PTPRD: variants seen among roughly 807,000 people sequenced by gnomAD.
The protein encoded by PTPRD is protein tyrosine phosphatase receptor type D.
Under a neutral mutation model 214.5 loss-of-function variants are expected in PTPRD, and 34 were observed. That is an observed-to-expected ratio of 0.16 (90% confidence interval 0.12 to 0.21). PTPRD has a LOEUF of 0.21. Among genes scored for constraint, PTPRD ranks in the 10% least tolerant of loss-of-function variants. The probability of loss-of-function intolerance (pLI) is 1.00; values close to 1 mark genes in which losing one functional copy is unlikely to be tolerated. For synonymous variants in PTPRD, 1,128 were observed against 845.7 expected (o/e 1.33, Z -5.79); for missense variants, 2,545 against 2,398.7 (o/e 1.06, Z -1.27).
intron 14 of PTPRD, among the ~76,000 whole-genome samples, chr9:8,557,558 C>G (rs2084371453): frequency 6.7e-6 from 1 of 149,258 alleles, no homozygotes; most frequent in African/African-American, 2.5e-5. Flanking sequence ...GCCTGACCAA[C>G]ATGGCGAAAC....
chr9:9,972,495 A>G (rs1566843701), intron 4 of PTPRD, among the ~76,000 whole-genome samples: 1 of 152,124 alleles, frequency 6.6e-6, no homozygotes, highest in Non-Finnish European at 1.5e-5. Context: ...CCTTCATATT[A>G]TAGAAATTAC....
In PTPRD at chr9:8,772,889, G is replaced by A. The variant is rs572210048; in HGVS notation, c.-103-38943C>T. 3.3e-5 allele frequency among the ~76,000 whole-genome samples: 5 copies of A among 152,172 alleles called. No homozygotes were observed. The East Asian group carries it at 7.7e-4, about 24-fold the overall frequency. Reference sequence around the variant, plus strand: ...TTCTTGCTTTTTGTTCTGAGATTCAGTTAAGATTCTTGGAAACATTTTGAT... The same window carrying A: ...TTCTTGCTTTTTGTTCTGAGATTCAATTAAGATTCTTGGAAACATTTTGAT... On this transcript the variant is annotated intron_variant, in intron 11 of 45. Coordinates refer to ENST00000381196, the MANE Select transcript of PTPRD (RefSeq NM_002839.4).
intron 6 of PTPRD, among the ~76,000 whole-genome samples, chr9:9,746,497 G>A (rs945910042): frequency 3.9e-5 from 6 of 152,166 alleles, no homozygotes; most frequent in African/African-American, 1.4e-4. Flanking sequence ...CTGAACTTCT[G>A]TAATTGAGAG....
At chr9:9,602,122 A>G (rs1302523133) in intron 7 of PTPRD, among the ~76,000 whole-genome samples, 1 of 152,088 alleles carries the variant, frequency 6.6e-6, no homozygotes, top group Non-Finnish European at 1.5e-5. Context: ...TTTTCATAAA[A>G]GCAGACAACA....
In PTPRD at chr9:8,648,449, CAT is replaced by C. The variant is rs150889925; in HGVS notation, c.65-11607_65-11606del. On this transcript the variant is annotated intron_variant, in intron 12 of 45. Transcript: ENST00000381196. ...ATGGCCTAAGTGGTTTTGAATCACT[CAT>C]AGACAAAATCTGTGAAGTCATTCTT... Among the ~76,000 whole-genome samples, 162 of 152,280 alleles carry C rather than the reference CAT, an allele frequency of 1.1e-3. 1 individual carries two copies. The highest frequency in any genetic ancestry group is 3.8e-3 in the African/African-American group (156 of 41,546).
At chr9:9,400,653 CAG>C in intron 8 of PTPRD, among the ~76,000 whole-genome samples, 1 of 152,000 alleles carries the variant, frequency 6.6e-6, no homozygotes, top group East Asian at 1.9e-4. Context: ...CCAGTTAAAA[CAG>C]ATAATTACTA....
chr9:9,351,719 A>T (rs1299612634), intron 9 of PTPRD, among the ~76,000 whole-genome samples: 1 of 152,066 alleles, frequency 6.6e-6, no homozygotes, highest in Non-Finnish European at 1.5e-5. Flanking sequence ...GTCTTAAAAC[A>T]TATTCTCTAG....
At chr9:9,048,536 A>T (rs2154391950) in intron 10 of PTPRD, among the ~76,000 whole-genome samples, 1 of 152,304 alleles carries the variant, frequency 6.6e-6, no homozygotes, top group Non-Finnish European at 1.5e-5. Flanking sequence ...ATTATGATAC[A>T]TGAAATAAGC....
intron 7 of PTPRD, among the ~76,000 whole-genome samples, chr9:9,598,036 C>T (rs1321889728): frequency 6.6e-6 from 1 of 151,966 alleles, no homozygotes; most frequent in East Asian, 1.9e-4. Context: ...TGTCCTGCCA[C>T]TTGTACAGGA....
intron 11 of PTPRD, among the ~76,000 whole-genome samples, chr9:8,878,476 T>C (rs2154215403): frequency 6.6e-6 from 1 of 152,134 alleles, no homozygotes; most frequent in South Asian, 2.1e-4. Context: ...AGAAGTGCTC[T>C]GTTGATTATT....
At chr9:8,641,279 T>C (rs933873136) in intron 12 of PTPRD, among the ~76,000 whole-genome samples, 2 of 148,174 alleles carry the variant, frequency 1.3e-5, no homozygotes, top group Admixed American at 1.3e-4. Context: ...TCCCATGAGA[T>C]ACAACCATCA....
chr9:9,751,373 C>T (rs2098517579), intron 6 of PTPRD, among the ~76,000 whole-genome samples: 1 of 151,994 alleles, frequency 6.6e-6, no homozygotes, highest in African/African-American at 2.4e-5. Context: ...TTTTGAACTC[C>T]AGAAAAATTA....
chr9:8,328,327 G>A (rs776112457), intron 44 of PTPRD, among the ~76,000 whole-genome samples: 3 of 151,782 alleles, frequency 2.0e-5, no homozygotes, highest in Admixed American at 6.6e-5. Context: ...CTTTTCTTTA[G>A]GAATGTTGAA....
At chr9:9,582,584 G>A (rs1397933528) in intron 7 of PTPRD, among the ~76,000 whole-genome samples, 2 of 152,068 alleles carry the variant, frequency 1.3e-5, no homozygotes, top group Non-Finnish European at 2.9e-5. Flanking sequence ...GGGAGGAATG[G>A]GGAATAACTG....
chr9:9,044,827 T>C (rs1183942245), intron 10 of PTPRD, among the ~76,000 whole-genome samples: 1 of 152,182 alleles, frequency 6.6e-6, no homozygotes, highest in Non-Finnish European at 1.5e-5. Context: ...TGACAGGTAT[T>C]TTTGAGCCTT....
chr9:10,040,673 G>A (rs1192650666), intron 3 of PTPRD, among the ~76,000 whole-genome samples: 2 of 151,894 alleles, frequency 1.3e-5, no homozygotes, highest in African/African-American at 4.8e-5. Context: ...GGGCTAAAAT[G>A]GCTTAAACAT....
In PTPRD at chr9:9,119,834, A is replaced by ATT. The variant is rs111523295; in HGVS notation, c.-143+63468_-143+63469dup. On this transcript the variant is annotated intron_variant, in intron 10 of 45. Coordinates refer to ENST00000381196, the MANE Select transcript of PTPRD (RefSeq NM_002839.4). ...CCACCATGCCTTGCCAGATTCTGTG[A>ATT]TTTTTTTTTTTTTTAATCTCACAGA... Among the ~76,000 whole-genome samples the ATT allele has an allele frequency of 1.6e-3, 229 of 144,260 alleles. 1 individual carries two copies. The highest frequency in any genetic ancestry group is 5.1e-3 in the African/African-American group (202 of 39,596). The allele number at this position is 144,260 out of a possible 152,430, so 94.6% of individuals were successfully genotyped here.
intron 11 of PTPRD, among the ~76,000 whole-genome samples, chr9:8,948,346 TG>T (rs2099078626): frequency 7.3e-6 from 1 of 136,226 alleles, no homozygotes; most frequent in African/African-American, 2.8e-5. Flanking sequence ...ACTATGCCCA[TG>T]CATCTTCAAT....
intron 5 of PTPRD, among the ~76,000 whole-genome samples, chr9:9,824,351 A>G (rs944656681): frequency 1.3e-5 from 2 of 151,972 alleles, no homozygotes; most frequent in Non-Finnish European, 2.9e-5. Flanking sequence ...ATAATTTCTG[A>G]ATAGAATTTG....
Sources: gnomAD v4.1 joint callset for allele counts (sites outside exome capture counted in the v4.1 genomes callset) on GRCh38, gnomAD v4.1.1 for gene constraint, MANE v1.5 for transcripts, NCBI Gene and HGNC (gene_info 2026-07-23, HGNC 2026-07-21) for gene names.